The following TRERF1 variants were observed in gnomAD, a reference collection of about 807,000 sequenced individuals.
TRERF1 encodes transcriptional-regulating factor 1.
TRERF1 carries 27 observed loss-of-function variants against 122.9 expected under a neutral mutation model. The observed-to-expected ratio is 0.22, with a 90% confidence interval of 0.16 to 0.30. TRERF1 has a LOEUF of 0.30. Among genes scored for constraint, TRERF1 ranks in the 10% least tolerant of loss-of-function variants. TRERF1 has a pLI of 1.00. For missense variants in TRERF1, 1,248 were observed against 1,560.3 expected (o/e 0.80, Z 3.37); for synonymous variants, 636 against 641.7 (o/e 0.99, Z 0.13).
intron 2 of TRERF1, among the ~76,000 whole-genome samples, chr6:42,441,639 C>T (rs1331906900): frequency 6.6e-6 from 1 of 151,536 alleles, no homozygotes; most frequent in African/African-American, 2.4e-5. Context: ...CCATTAAGAA[C>T]CAATGGCGAG....
chr6:42,273,877 C>A lies in TRERF1; in HGVS notation c.-258-4029G>T, dbSNP rs117722709. On this transcript the variant is annotated intron_variant, in intron 4 of 17. Transcript: ENST00000372922. ...ACTTTGAGCACTATTGATTTCATGTCTCTCTCCTATGGCCCTGTGGGTAGA... is the reference window on the plus strand; with the variant it reads ...ACTTTGAGCACTATTGATTTCATGTATCTCTCCTATGGCCCTGTGGGTAGA... 1.6e-4 allele frequency among the ~76,000 whole-genome samples: 24 copies of A among 152,344 alleles called. No individual in the cohort carries two copies. The East Asian group carries it at 4.4e-3, about 28-fold the overall frequency.
rs1012497501 is a variant in TRERF1 at position 42,275,600 on chromosome 6, G to A, written c.-258-5752C>T. On this transcript the variant is annotated intron_variant, in intron 4 of 17. Coordinates refer to ENST00000372922, the Ensembl canonical transcript of TRERF1. This position sits in a 1 kb window ranked among gnomAD's most constrained non-coding sequence, Gnocchi z 4.1. ...GGGACATAGCAGATGCTCAACAAAC[G>A]CTCACTGAACTGCAACACTGCGCTA... 6.6e-6 allele frequency among the ~76,000 whole-genome samples: 1 copy of A among 152,342 alleles called. No homozygotes were observed. The highest frequency in any genetic ancestry group is 6.5e-5 in the Admixed American group (1 of 15,302).
rs73733129 is a variant in TRERF1 at position 42,259,586 on chromosome 6, A to G, written c.2022T>C (p.Ala674=). Residue 674 remains alanine, a synonymous_variant, in exon 9 of 18, where the codon GCT becomes GCC. Transcript: ENST00000372922. This position sits in a 1 kb window ranked among gnomAD's most constrained non-coding sequence, Gnocchi z 4.9. The stretch of plus-strand genomic sequence containing the variant: ...ACAGGGTGGCGCCCGAGTAGGAGGC[A>G]GCGGGGTTCGGGTTGTAGGAGGGCG... 9.2e-3 allele frequency: 14,904 copies of G among 1,613,858 alleles called. 1,055 individuals are homozygous for G. The African/African-American group carries it at 0.16, about 17-fold the overall frequency.
intron 2 of TRERF1, among the ~76,000 whole-genome samples, chr6:42,436,511 T>C (rs982431614): frequency 3.3e-5 from 5 of 152,142 alleles, no homozygotes; most frequent in Non-Finnish European, 7.4e-5. Context: ...GAACTTACTA[T>C]CTGCTAGGCA....
intron 2 of TRERF1, among the ~76,000 whole-genome samples, chr6:42,382,121 A>G (rs1776043730): frequency 6.6e-6 from 1 of 151,584 alleles, no homozygotes; most frequent in Non-Finnish European, 1.5e-5. Flanking sequence ...TCAACCCTTC[A>G]GTGTGGTTCC....
rs113226435 is a variant in TRERF1, at chr6:42,233,446, T to C, written c.3067-554A>G. ...GACTACAGGCGCCCGCCACCACGCC[T>C]GGCTAATTTTTTGTAGTTTTAGTAG... is the stretch of plus-strand genomic sequence containing the variant. On this transcript the variant is annotated intron_variant, in intron 16 of 17. Coordinates refer to ENST00000372922, the Ensembl canonical transcript of TRERF1. Among the ~76,000 whole-genome samples the C allele has an allele frequency of 5.2e-3, 792 of 152,000 alleles. 5 individuals carry two copies. Among genetic ancestry groups the C allele is most frequent in the Non-Finnish European group, 8.4e-3 (571 of 67,960 alleles).
chr6:42,370,575 C>G (rs74412090), intron 2 of TRERF1, among the ~76,000 whole-genome samples: 2 of 152,120 alleles, frequency 1.3e-5, no homozygotes, highest in Non-Finnish European at 2.9e-5. Flanking sequence ...ATCTGATGTC[C>G]GAAACCTACA....
intron 13 of TRERF1, among the ~76,000 whole-genome samples, 153 bp downstream of exon 13, chr6:42,254,698 G>A (rs9471828): frequency 0.03 from 4,520 of 152,246 alleles, 240 homozygotes; most frequent in African/African-American, 0.1. Context: ...CAGAGCCAAA[G>A]CAACAGACAT....
intron 2 of TRERF1, among the ~76,000 whole-genome samples, chr6:42,389,761 G>A (rs922566050): frequency 2.0e-5 from 3 of 152,200 alleles, no homozygotes; most frequent in African/African-American, 7.2e-5. Context: ...ATTATTGTGA[G>A]CTCAAACCCA....
intron 2 of TRERF1, among the ~76,000 whole-genome samples, chr6:42,397,913 C>T (rs1016201481): frequency 6.6e-6 from 1 of 152,194 alleles, no homozygotes; most frequent in African/African-American, 2.4e-5. Context: ...ATAGAATATT[C>T]CTTCCACTCA....
In TRERF1 at chr6:42,345,712, C is replaced by A. The variant is rs116062764; in HGVS notation, c.-371+17285G>T. 8.0e-3 allele frequency among the ~76,000 whole-genome samples: 1,218 copies of A among 152,346 alleles called. 17 individuals are homozygous for A. Among genetic ancestry groups the A allele is most frequent in the African/African-American group, 0.027 (1,130 of 41,582 alleles). ...TCCACTTTGCATAAAAAGCCTCATT[C>A]TCCCATGCCAGTATTAAACTGGAAG... On this transcript the variant is annotated intron_variant, in intron 3 of 17. Coordinates refer to ENST00000372922, the Ensembl canonical transcript of TRERF1.
At chr6:42,435,296 A>G (rs1785147831) in intron 2 of TRERF1, among the ~76,000 whole-genome samples, 1 of 152,230 alleles carries the variant, frequency 6.6e-6, no homozygotes, top group Non-Finnish European at 1.5e-5. Flanking sequence ...GAAAACGGCT[A>G]AAACATTAAT....
chr6:42,251,271 C>T (rs555259669), intron 13 of TRERF1, among the ~76,000 whole-genome samples: 16 of 152,300 alleles, frequency 1.1e-4, no homozygotes, highest in African/African-American at 3.8e-4. Flanking sequence ...GCTGGGATTA[C>T]AGGCATGAGC....
At chr6:42,352,735 G>A (rs1423333813) in intron 3 of TRERF1, among the ~76,000 whole-genome samples, 9 of 152,032 alleles carry the variant, frequency 5.9e-5, no homozygotes, top group Admixed American at 1.3e-4. Flanking sequence ...ATAATAACTG[G>A]GGGGGAAAGA....
At chr6:42,381,686 G>A (rs1342350723) in intron 2 of TRERF1, among the ~76,000 whole-genome samples, 3 of 151,614 alleles carry the variant, frequency 2.0e-5, no homozygotes, top group African/African-American at 7.3e-5. Flanking sequence ...AGAGAGGCAG[G>A]GCCACTCCTC....
At chr6:42,293,094 C>T (rs1784558464) in intron 4 of TRERF1, among the ~76,000 whole-genome samples, 1 of 152,200 alleles carries the variant, frequency 6.6e-6, no homozygotes, top group South Asian at 2.1e-4. Flanking sequence ...GCCACATGTG[C>T]CACCTGATCT....
rs187421627 is a variant in TRERF1, at chr6:42,346,124, C to T, written c.-371+16873G>A. Among the ~76,000 whole-genome samples the T allele has an allele frequency of 2.6e-4, 40 of 152,332 alleles. No homozygotes were observed. The East Asian group carries it at 7.1e-3, about 27-fold the overall frequency. On this transcript the variant is annotated intron_variant, in intron 3 of 17. Coordinates refer to ENST00000372922, the Ensembl canonical transcript of TRERF1. Reference sequence around the variant, plus strand: ...AATGAGGTAAGTGTGGGCAAGAAGGCTGCGAGGAAGAGGGTGGGCTCATGC... The same window carrying T: ...AATGAGGTAAGTGTGGGCAAGAAGGTTGCGAGGAAGAGGGTGGGCTCATGC...
intron 2 of TRERF1, among the ~76,000 whole-genome samples, chr6:42,442,091 T>C (rs1288458128): frequency 6.6e-6 from 1 of 152,068 alleles, no homozygotes; most frequent in Non-Finnish European, 1.5e-5. Flanking sequence ...ATTCACCCAA[T>C]TAACAAAGAA....
intron 4 of TRERF1, among the ~76,000 whole-genome samples, chr6:42,288,223 G>T (rs1783610955): frequency 6.6e-6 from 1 of 152,050 alleles, no homozygotes; most frequent in Non-Finnish European, 1.5e-5. Flanking sequence ...CTGGGTGTGT[G>T]CATGTCAGCC....
Sources: allele counts gnomAD v4.1 joint callset (sites outside exome capture counted in the v4.1 genomes callset), GRCh38; gene constraint gnomAD v4.1.1; non-coding constraint Gnocchi (gnomAD v3.1); transcripts MANE v1.5; gene names NCBI Gene and HGNC (gene_info 2026-07-23, HGNC 2026-07-21).